Variants in CCDC18 observed in about 807,000 individuals in gnomAD.
CCDC18 encodes the protein coiled-coil domain containing 18, also known as coiled-coil domain-containing protein 18.
In CCDC18, 157 loss-of-function variants were observed where a neutral mutation model predicts 196.0. That is an observed-to-expected ratio of 0.80 (90% CI 0.70 to 0.91). The LOEUF (loss-of-function observed/expected upper bound fraction) is 0.91, where lower values mean the gene tolerates loss of function less well. Ranked by LOEUF, CCDC18 falls within the 40% of genes least tolerant of loss-of-function variation. The probability of loss-of-function intolerance (pLI) is 0.00; values close to 1 mark genes in which losing one functional copy is unlikely to be tolerated. For missense variants in CCDC18, 1,465 were observed against 1,611.6 expected (o/e 0.91, Z 1.56); for synonymous variants, 482 against 529.2 (o/e 0.91, Z 1.22).
intron 24 of CCDC18, among the ~76,000 whole-genome samples, chr1:93,255,625 A>T (rs966697451): frequency 6.6e-6 from 1 of 152,084 alleles, no homozygotes; most frequent in African/African-American, 2.4e-5. Context: ...GGTCCCAGCT[A>T]CTTGGGAGGC....
chr1:93,269,945 C>A (rs1665073423), intron 27 of CCDC18, among the ~76,000 whole-genome samples: 1 of 152,080 alleles, frequency 6.6e-6, no homozygotes, highest in Admixed American at 6.5e-5. Context: ...TATTTATTCC[C>A]TACTGGAAAT....
At chr1:93,205,378 G>T in intron 7 of CCDC18, 132 bp from the exon 8 acceptor site, 2 of 705,218 alleles carry the variant, frequency 2.8e-6, no homozygotes, top group Non-Finnish European at 4.4e-6. Context: ...TCACTACAAG[G>T]CTGGGGACTT....
chr1:93,199,228 C>A (rs544554991), intron 6 of CCDC18, among the ~76,000 whole-genome samples: 1 of 152,370 alleles, frequency 6.6e-6, no homozygotes, highest in Non-Finnish European at 1.5e-5. Context: ...CTGGATCCCA[C>A]ACCTGCCAAG....
At chr1:93,261,196 A>G (rs1344726293) in intron 26 of CCDC18, among the ~76,000 whole-genome samples, 2 of 152,258 alleles carry the variant, frequency 1.3e-5, no homozygotes, top group African/African-American at 2.4e-5. Context: ...TTTTTAATAT[A>G]TAGGTTTCCA....
chr1:93,221,654 GAA>G lies in CCDC18; in HGVS notation c.2011_2012del (p.Lys671AspfsTer17), dbSNP rs1311138097. ...AAAGGACCAACAATTTAAAGAACAA[GAA>G]AAGACTATGTCCATGTTGCAACAAG... The part of the protein sequence containing the change: ...EKKDQQFKEQ[E>X]KTMSMLQQDI... On this transcript the variant is annotated frameshift_variant, in exon 15 of 29. Transcript: ENST00000690025. LOFTEE classifies it high-confidence loss of function. 1 of 1,573,334 alleles carries G rather than the reference GAA, an allele frequency of 6.4e-7. No individual in the cohort carries two copies.
In CCDC18 at chr1:93,180,773, G is replaced by A. The variant is rs1322098505; in HGVS notation, c.-82G>A. On this transcript the variant is annotated 5_prime_UTR_variant, in exon 1 of 29. Coordinates refer to ENST00000690025, the MANE Select transcript of CCDC18 (RefSeq NM_001378204.1). ...TTCGCTGGTTCTCCGAGTTGTGTCC[G>A]AGGCTTCCACGCGCAGGGGCCCGGG... 7.3e-7 allele frequency: 1 copy of A among 1,367,712 alleles called. No individual in the cohort carries two copies. The highest frequency in any genetic ancestry group is 4.6e-5 in the East Asian group (1 of 21,950). The allele number at this position is 1,367,712 out of a possible 1,614,324, so 84.7% of individuals were successfully genotyped here.
Position 93,246,220 on chromosome 1 carries a change from T to C in CCDC18, c.3081+16T>C, listed in dbSNP as rs1311345653. On this transcript the variant is annotated intron_variant, in intron 22 of 28. Transcript: ENST00000690025. ...AGCAGCTCAGGTTGATTTTTCTTGATTATATTTTAATGGAGTTTTCTGTTA... is the reference window on the plus strand; with the variant it reads ...AGCAGCTCAGGTTGATTTTTCTTGACTATATTTTAATGGAGTTTTCTGTTA... The C allele has an allele frequency of 4.5e-6, 7 of 1,560,402 alleles. No individual in the cohort carries two copies. The Middle Eastern group carries it at 5.1e-4, about 113-fold the overall frequency.
chr1:93,184,881 A>T (rs538458154), intron 3 of CCDC18, among the ~76,000 whole-genome samples: 52 of 152,094 alleles, frequency 3.4e-4, no homozygotes, highest in Non-Finnish European at 7.1e-4. Context: ...TTCAAATTCC[A>T]TGTTTACATG....
chr1:93,193,792 A>T (rs909992741), intron 6 of CCDC18, 48 bp downstream of exon 6: 3 of 1,406,742 alleles, frequency 2.1e-6, no homozygotes, highest in African/African-American at 1.5e-5. Flanking sequence ...GAATAAAAGG[A>T]AATATTACCT....
At chr1:93,259,213 TA>T (rs1663449606) in intron 26 of CCDC18, among the ~76,000 whole-genome samples, 1 of 152,166 alleles carries the variant, frequency 6.6e-6, no homozygotes, top group African/African-American at 2.4e-5. Context: ...AATTAATATA[TA>T]ATATAAAATA....
intron 28 of CCDC18, among the ~76,000 whole-genome samples, chr1:93,275,880 T>C (rs1665595412): frequency 6.6e-6 from 1 of 152,256 alleles, no homozygotes; most frequent in Non-Finnish European, 1.5e-5. Context: ...TCATTTTCTT[T>C]GGTATGATGA....
rs968094235 is a variant in CCDC18 at position 93,183,453 on chromosome 1, T to A, written c.92T>A (p.Ile31Lys). The change falls in exon 2 of 29, where the codon ATA becomes AAA. Residue 31 changes from isoleucine (I) to lysine (K), a missense_variant. By Grantham distance (102) the Ile-to-Lys change is moderately radical (BLOSUM62 -3). Coordinates refer to ENST00000690025, the MANE Select transcript of CCDC18 (RefSeq NM_001378204.1). Reference sequence around the variant, plus strand: ...GCTTCCTTAAGACATGAACTGAAGATAACAGAATGGAGTTTGCAGAGTTTA... The same window carrying A: ...GCTTCCTTAAGACATGAACTGAAGAAAACAGAATGGAGTTTGCAGAGTTTA... The part of the protein sequence containing the change: ...NVASLRHELK[I>K]TEWSLQSLGE... 3.7e-6 allele frequency: 6 copies of A among 1,607,192 alleles called. No homozygotes were observed. The highest frequency in any genetic ancestry group is 5.1e-6 in the Non-Finnish European group (6 of 1,176,436).
At chr1:93,180,604 G>T, upstream of CCDC18, 1 of 1,350,838 alleles carries the variant, frequency 7.4e-7, no homozygotes, top group Non-Finnish European at 9.8e-7. Flanking sequence ...CCGCTAGTGG[G>T]CTCGGGCGCG....
chr1:93,237,427 TTC>T (rs1208829759), intron 19 of CCDC18, among the ~76,000 whole-genome samples: 1 of 152,118 alleles, frequency 6.6e-6, no homozygotes, highest in Non-Finnish European at 1.5e-5. Context: ...TCTCCACACA[TTC>T]TGTTTCTTTC....
At chr1:93,256,908 T>G (rs965548290) in intron 25 of CCDC18, among the ~76,000 whole-genome samples, 7 of 152,030 alleles carry the variant, frequency 4.6e-5, no homozygotes, top group Non-Finnish European at 1.0e-4. Flanking sequence ...GAGTAAAAAT[T>G]TTTACATTTG....
chr1:93,226,486 C>A, intron 17 of CCDC18, 37 bp downstream of exon 17: 1 of 853,046 alleles, frequency 1.2e-6, no homozygotes, highest in Non-Finnish European at 1.9e-6. Flanking sequence ...GCATATATTT[C>A]AAGTGATTTT....
intron 4 of CCDC18, among the ~76,000 whole-genome samples, chr1:93,190,227 C>T (rs1651507108): frequency 2.0e-5 from 3 of 152,186 alleles, no homozygotes; most frequent in African/African-American, 4.8e-5. Context: ...CGGCGGCTCA[C>T]GCCTGTAATT....
At chr1:93,192,427 A>C (rs1367379785) in intron 5 of CCDC18, among the ~76,000 whole-genome samples, 7 of 152,202 alleles carry the variant, frequency 4.6e-5, no homozygotes, top group Non-Finnish European at 8.8e-5. Flanking sequence ...AATGTAAAGG[A>C]GTCAGACACT....
chr1:93,271,643 T>C (rs574863163), intron 28 of CCDC18: 4 of 653,864 alleles, frequency 6.1e-6, no homozygotes, highest in Non-Finnish European at 7.6e-6. Flanking sequence ...GAGACAAGTA[T>C]GGGCAACATG....
Sources: allele counts gnomAD v4.1 joint callset (sites outside exome capture counted in the v4.1 genomes callset), GRCh38; gene constraint gnomAD v4.1.1; transcripts MANE v1.5; gene names NCBI Gene and HGNC (gene_info 2026-07-23, HGNC 2026-07-21).